The following CDH9 variants were observed in gnomAD, a reference collection of about 807,000 sequenced individuals.
CDH9 encodes the protein cadherin-9.
CDH9 carries 28 observed loss-of-function variants against 70.9 expected under a neutral mutation model. The observed-to-expected ratio is 0.40, with a 90% CI of 0.29 to 0.54. The LOEUF (loss-of-function observed/expected upper bound fraction) is 0.54, where lower values mean the gene tolerates loss of function less well. Among genes scored for constraint, CDH9 ranks in the 20% least tolerant of loss-of-function variants. The pLI, the probability that CDH9 is intolerant of heterozygous loss-of-function variation, is 0.59. For missense variants in CDH9, 874 were observed against 984.4 expected (o/e 0.89, Z 1.50); for synonymous variants, 409 against 343.1 (o/e 1.19, Z -2.12).
intron 1 of CDH9, among the ~76,000 whole-genome samples, chr5:27,036,156 A>G (rs1246050947): frequency 6.6e-6 from 1 of 151,912 alleles, no homozygotes; most frequent in Non-Finnish European, 1.5e-5. Flanking sequence ...TCATATCACT[A>G]TTGATGCCTG....
In CDH9 at chr5:26,903,762, C is replaced by T. The variant is rs763479481; in HGVS notation, c.874G>A (p.Ala292Thr). ...TTTTCCCCCACGTCAGGGTCATTGG[C>T]TTTTATCCTTCCAAGATGAGTTCCA... ...PLGTHLGRIK[A>T]NDPDVGENAE... Residue 292 changes from alanine (A) to threonine (T), a missense_variant, in exon 6 of 12, where the codon GCC becomes ACC. Physicochemically the swap from Ala to Thr is moderately conservative, Grantham distance 58. Transcript: ENST00000231021. The T allele has an allele frequency of 1.9e-6, 3 of 1,607,646 alleles. No homozygotes were observed. Among genetic ancestry groups the T allele is most frequent in the Non-Finnish European group, 8.5e-7 (1 of 1,176,182 alleles).
At chr5:26,999,854 C>A (rs1029611613) in intron 1 of CDH9, among the ~76,000 whole-genome samples, 1 of 151,976 alleles carries the variant, frequency 6.6e-6, no homozygotes, top group African/African-American at 2.4e-5. Context: ...CTATCCTTTG[C>A]TTTATGATGC....
chr5:26,919,801 T>C (rs1741212779), intron 2 of CDH9, among the ~76,000 whole-genome samples: 1 of 152,120 alleles, frequency 6.6e-6, no homozygotes, highest in Non-Finnish European at 1.5e-5. Context: ...GAAGGGAACC[T>C]ACTATCCTTA....
intron 3 of CDH9, among the ~76,000 whole-genome samples, chr5:26,911,132 A>G (rs1741046218): frequency 6.6e-6 from 1 of 152,182 alleles, no homozygotes; most frequent in Non-Finnish European, 1.5e-5. Flanking sequence ...CCTAAGAACT[A>G]ACTTTCACAG....
chr5:26,905,442 T>C (rs141781640), intron 5 of CDH9, among the ~76,000 whole-genome samples: 386 of 152,212 alleles, frequency 2.5e-3, no homozygotes, highest in Middle Eastern at 3.4e-3. Flanking sequence ...TGATGCTAAA[T>C]AAGCCCATCT....
At chr5:26,943,765 T>C (rs980952752) in intron 2 of CDH9, among the ~76,000 whole-genome samples, 1 of 152,156 alleles carries the variant, frequency 6.6e-6, no homozygotes, top group South Asian at 2.1e-4. Context: ...AAGCATACTT[T>C]CTAAAACATA....
chr5:26,924,802 G>A (rs1002932021), intron 2 of CDH9, among the ~76,000 whole-genome samples: 10 of 152,100 alleles, frequency 6.6e-5, no homozygotes, highest in Admixed American at 5.9e-4. Context: ...AACATGCAGT[G>A]CTTAGTCTTC....
intron 1 of CDH9, among the ~76,000 whole-genome samples, chr5:27,034,828 A>G (rs1039237415): frequency 6.6e-6 from 1 of 151,728 alleles, no homozygotes; most frequent in African/African-American, 2.4e-5. Context: ...GTGCATTAAC[A>G]TGTTAGGGCT....
intron 2 of CDH9, among the ~76,000 whole-genome samples, chr5:26,934,748 A>G (rs1741529306): frequency 6.6e-6 from 1 of 152,220 alleles, no homozygotes; most frequent in Non-Finnish European, 1.5e-5. Context: ...GAGAAAATGA[A>G]TTAACAATTA....
intron 1 of CDH9, among the ~76,000 whole-genome samples, chr5:27,003,296 G>A (rs1742803695): frequency 6.6e-6 from 1 of 152,070 alleles, no homozygotes; most frequent in African/African-American, 2.4e-5. Context: ...AGATAATTGG[G>A]CAAGGAGATA....
At chr5:26,890,748 T>C (rs1268993313) in intron 7 of CDH9, 184 bp from the exon 8 acceptor site, 1 of 561,588 alleles carries the variant, frequency 1.8e-6, no homozygotes. Flanking sequence ...TTTGACTCTT[T>C]CTACTTACTA....
intron 3 of CDH9, among the ~76,000 whole-genome samples, chr5:26,908,302 A>C (rs1046159474): frequency 6.6e-6 from 1 of 151,216 alleles, no homozygotes; most frequent in Non-Finnish European, 1.5e-5. Context: ...CATTCCCCCC[A>C]CACAAATCAC....
rs111677354 is a variant in CDH9 at position 26,902,354 on chromosome 5, T to G, written c.1253+122A>C. ...ATTTTTTCACACAGTTTGTAAATAG[T>G]GAGATTATTGGTATTATTACTGTGC... On this transcript the variant is annotated intron_variant, in intron 7 of 11. Coordinates refer to ENST00000231021, the MANE Select transcript of CDH9 (RefSeq NM_016279.4). 59 of 638,148 alleles carry G rather than the reference T, an allele frequency of 9.2e-5. 1 individual carries two copies. The South Asian group carries it at 1.0e-3, about 11-fold the overall frequency. The allele number at this position is 638,148 out of a possible 1,614,324, so 39.5% of individuals were successfully genotyped here.
chr5:26,943,573 T>C (rs1375921969), intron 2 of CDH9, among the ~76,000 whole-genome samples: 1 of 150,966 alleles, frequency 6.6e-6, no homozygotes, highest in African/African-American at 2.4e-5. Context: ...AAGGAGAATA[T>C]ATCAGGATTA....
Position 27,000,863 on chromosome 5 carries a change from A to C in CDH9, c.-49-12481T>G, listed in dbSNP as rs977825932. On this transcript the variant is annotated intron_variant, in intron 1 of 11. Coordinates refer to ENST00000231021, the MANE Select transcript of CDH9 (RefSeq NM_016279.4). ...GCTAAGGGAGAGCATCTTTTCTGAA[A>C]AGGCTACATATTGAATGATTTAAGT... is the stretch of plus-strand genomic sequence containing the variant. Among the ~76,000 whole-genome samples the C allele has an allele frequency of 2.0e-5, 3 of 152,192 alleles. No homozygotes were observed. In the South Asian group the frequency reaches 6.2e-4, roughly 31 times the overall value.
intron 1 of CDH9, among the ~76,000 whole-genome samples, chr5:26,991,845 T>A (rs1742584501): frequency 6.6e-6 from 1 of 152,108 alleles, no homozygotes; most frequent in South Asian, 2.1e-4. Context: ...AAATAAAGAA[T>A]CCATTCTTTT....
intron 2 of CDH9, among the ~76,000 whole-genome samples, chr5:26,930,907 C>T (rs1229409393): frequency 6.6e-6 from 1 of 151,866 alleles, no homozygotes; most frequent in Non-Finnish European, 1.5e-5. Context: ...GACATATTAG[C>T]TTGTATCTTT....
chr5:26,934,036 G>T (rs966938184), intron 2 of CDH9, among the ~76,000 whole-genome samples: 4 of 152,082 alleles, frequency 2.6e-5, no homozygotes, highest in Admixed American at 2.0e-4. Flanking sequence ...ATCTGCATCT[G>T]ATGAGAGCCT....
intron 3 of CDH9, among the ~76,000 whole-genome samples, chr5:26,909,135 C>A (rs1352374796): frequency 6.6e-6 from 1 of 151,332 alleles, no homozygotes; most frequent in Non-Finnish European, 1.5e-5. Context: ...AGGTGCCCGC[C>A]ACCAAGCCTG....
Sources: allele counts gnomAD v4.1 joint callset (sites outside exome capture counted in the v4.1 genomes callset), GRCh38; gene constraint gnomAD v4.1.1; transcripts MANE v1.5; gene names NCBI Gene and HGNC (gene_info 2026-07-23, HGNC 2026-07-21).